LPAR6: variants seen among roughly 807,000 people sequenced by gnomAD.
LPAR6 encodes the protein lysophosphatidic acid receptor 6, also known as G-protein coupled purinergic receptor P2Y5.
A neutral mutation model predicts 22.0 loss-of-function variants in LPAR6; 17 were observed. The observed-to-expected ratio is 0.77, with a 90% confidence interval of 0.53 to 1.16. LPAR6 has a LOEUF of 1.16. Ranked by LOEUF, LPAR6 falls within the 50% of genes most tolerant of loss-of-function variation. The pLI, the probability that LPAR6 is intolerant of heterozygous loss-of-function variation, is 0.00. For missense variants in LPAR6, 384 were observed against 406.9 expected, an observed-to-expected ratio of 0.94 and a Z score of 0.48; for synonymous variants, 136 against 139.8, an observed-to-expected ratio of 0.97 and a Z score of 0.19.
At chr13:48,394,096 G>A (rs759243791) in intron 1 of LPAR6, among the ~76,000 whole-genome samples, 15 of 152,134 alleles carry the variant, frequency 9.9e-5, no homozygotes, top group East Asian at 1.9e-4. Flanking sequence ...TGCAGCCCAC[G>A]GAGGGCAAGC....
At chr13:48,416,273 C>T (rs1354120762), upstream of LPAR6, 7 of 152,338 alleles carry the variant, frequency 4.6e-5, no homozygotes, top group East Asian at 1.2e-3. Context: ...GGGTGCAGCC[C>T]ATGGAAGGCG....
At chr13:48,420,634 A>C (rs987288994) in intron 2 of LPAR6, among the ~76,000 whole-genome samples, 1 of 152,182 alleles carries the variant, frequency 6.6e-6, no homozygotes, top group African/African-American at 2.4e-5. Context: ...CTATTTAGAA[A>C]ACCCCATTAT....
chr13:48,443,560 T>A (rs1222377917), intron 1 of LPAR6, among the ~76,000 whole-genome samples: 1 of 152,178 alleles, frequency 6.6e-6, no homozygotes, highest in East Asian at 1.9e-4. Flanking sequence ...TACATTCAAA[T>A]AAAACCTTTT....
intron 1 of LPAR6, among the ~76,000 whole-genome samples, chr13:48,399,978 A>G (rs1384451808): frequency 6.6e-6 from 1 of 152,172 alleles, no homozygotes; most frequent in South Asian, 2.1e-4. Context: ...CACATTACCC[A>G]TTCTCTTTGT....
upstream of LPAR6, among the ~76,000 whole-genome samples, chr13:48,431,732 C>T (rs766091172): frequency 1.5e-4 from 23 of 152,092 alleles, no homozygotes; most frequent in Admixed American, 5.2e-4. Flanking sequence ...AAAGCCCAGC[C>T]GTTTGTTGTT....
At chr13:48,398,233 T>TA (rs141604364) in intron 1 of LPAR6, among the ~76,000 whole-genome samples, 7,391 of 152,228 alleles carry the variant, frequency 0.049, 600 homozygotes, top group African/African-American at 0.16. Flanking sequence ...ATTTTAATTT[T>TA]AAAAAATTCA....
intron 1 of LPAR6, among the ~76,000 whole-genome samples, chr13:48,436,361 G>A (rs1227958682): frequency 6.6e-6 from 1 of 152,132 alleles, no homozygotes; most frequent in Non-Finnish European, 1.5e-5. Flanking sequence ...AAAATCATGA[G>A]GCCAATTGCT....
chr13:48,408,764 CT>C (rs1301182624), downstream of LPAR6: 3 of 152,090 alleles, frequency 2.0e-5, no homozygotes, highest in Non-Finnish European at 4.4e-5. Context: ...ATTCATTTAT[CT>C]TCCTGTTGAC....
chr13:48,430,123 A>T (rs1022190545), upstream of LPAR6, among the ~76,000 whole-genome samples: 8 of 152,200 alleles, frequency 5.3e-5, no homozygotes, highest in African/African-American at 1.7e-4. Flanking sequence ...CACCCAAACC[A>T]GATTATTATT....
chr13:48,399,987 G>C (rs1296970197), intron 1 of LPAR6, among the ~76,000 whole-genome samples: 1 of 151,976 alleles, frequency 6.6e-6, no homozygotes, highest in East Asian at 1.9e-4. Context: ...CATTCTCTTT[G>C]TTCATTAATT....
At chr13:48,429,996 A>G (rs112382857), upstream of LPAR6, among the ~76,000 whole-genome samples, 1,857 of 152,266 alleles carry the variant, frequency 0.012, 40 homozygotes, top group African/African-American at 0.037. Context: ...AAATCTCAGT[A>G]TGTTTTCAGT....
upstream of LPAR6, among the ~76,000 whole-genome samples, chr13:48,428,665 A>T (rs1342639248): frequency 6.6e-6 from 1 of 152,220 alleles, no homozygotes; most frequent in Non-Finnish European, 1.5e-5. Context: ...GATTTTAGAC[A>T]TTTTCATCCT....
intron 1 of LPAR6, among the ~76,000 whole-genome samples, chr13:48,397,671 CTTTCAAATTATCT>C (rs537950364): frequency 0.011 from 1,655 of 152,098 alleles, 41 homozygotes; most frequent in African/African-American, 0.038. Flanking sequence ...TAAAATATAT[CTTTCAAATTATCT>C]TTTCAAATTT....
intron 1 of LPAR6, among the ~76,000 whole-genome samples, chr13:48,405,638 C>A (rs956218163): frequency 1.3e-5 from 2 of 152,088 alleles, no homozygotes; most frequent in African/African-American, 2.4e-5. Context: ...GCCTGCAAAC[C>A]GAAAATATTT....
chr13:48,411,314 G>C lies in LPAR6; in HGVS notation c.*75C>G, dbSNP rs1219709248. The C allele has an allele frequency of 2.5e-6, 3 of 1,211,410 alleles. No individual in the cohort carries two copies. In the African/African-American group the frequency reaches 4.5e-5, roughly 18 times the overall value. The allele number at this position is 1,211,410 out of a possible 1,614,324, so 75.0% of individuals were successfully genotyped here. ...AATTTCTTTTGGAGGTGGAAAAATA[G>C]TTTGTCCAAAAAGACACTTTTCACA... On this transcript the variant is annotated 3_prime_UTR_variant, in exon 1 of 1. Transcript: ENST00000620633.
At chr13:48,435,502 TCTCTTGGC>T (rs1566225922) in intron 1 of LPAR6, among the ~76,000 whole-genome samples, 1 of 152,192 alleles carries the variant, frequency 6.6e-6, no homozygotes, top group Non-Finnish European at 1.5e-5. Context: ...GCAAATATTT[TCTCTTGGC>T]CTGTAGCTTC....
At chr13:48,397,251 C>G (rs1336477809) in intron 1 of LPAR6, among the ~76,000 whole-genome samples, 1 of 152,160 alleles carries the variant, frequency 6.6e-6, no homozygotes, top group Non-Finnish European at 1.5e-5. Flanking sequence ...ACCCAAATGC[C>G]CATCAGTGGT....
At chr13:48,409,404 G>A (rs1948769891), downstream of LPAR6, among the ~76,000 whole-genome samples, 1 of 151,798 alleles carries the variant, frequency 6.6e-6, no homozygotes, top group African/African-American at 2.4e-5. Flanking sequence ...CCAGAGAACA[G>A]CAAAAATCAA....
intron 2 of LPAR6, among the ~76,000 whole-genome samples, chr13:48,420,876 G>T (rs1948994881): frequency 6.6e-6 from 1 of 152,122 alleles, no homozygotes. Flanking sequence ...ACTGCTCAAG[G>T]AAATAAAGAG....
Sources: gnomAD v4.1 joint callset for allele counts (sites outside exome capture counted in the v4.1 genomes callset) on GRCh38, gnomAD v4.1.1 for gene constraint, MANE v1.5 for transcripts, NCBI Gene and HGNC (gene_info 2026-07-23, HGNC 2026-07-21) for gene names.